The following USP9X variants were observed in gnomAD, a reference collection of about 807,000 sequenced individuals.
USP9X encodes the protein ubiquitin carboxyl-terminal hydrolase 9X.
Under a neutral mutation model 190.3 loss-of-function variants are expected in USP9X, and 7 were observed. The observed-to-expected ratio is 0.04, with a 90% CI of 0.02 to 0.07. The LOEUF is 0.07. Ranked by LOEUF, USP9X falls within the 10% of genes least tolerant of loss-of-function variation. The pLI, the probability that USP9X is intolerant of heterozygous loss-of-function variation, is 1.00. For missense variants in USP9X, 1,010 were observed against 1,916.9 expected (o/e 0.53, Z 8.83); for synonymous variants, 645 against 659.5 (o/e 0.98, Z 0.34).
intron 4 of USP9X, among the ~76,000 whole-genome samples, chrX:41,133,647 A>G (rs1406539588): frequency 8.9e-6 from 1 of 112,061 alleles, no homozygotes; most frequent in Non-Finnish European, 1.9e-5. Context: ...CGTGAGTTCA[A>G]TTGTTTGATT....
rs746510619 is a variant in USP9X at position 41,123,255 on chromosome X, A to G, written c.-158-216A>G. 1.3e-4 allele frequency among the ~76,000 whole-genome samples: 14 copies of G among 111,941 alleles called. No homozygotes were observed. The South Asian group carries it at 1.5e-3, about 12-fold the overall frequency. On this transcript the variant is annotated intron_variant, in intron 1 of 44. Coordinates refer to ENST00000378308, the MANE Select transcript of USP9X (RefSeq NM_001039591.3). ...CCTTTGGAGTCATTTCCAGGAGGCT[A>G]TATTTGTTTGTTTTCTTGGTATAAT...
At chrX:41,157,100 G>C (rs1037639119) in intron 14 of USP9X, among the ~76,000 whole-genome samples, 1 of 111,655 alleles carries the variant, frequency 9.0e-6, no homozygotes, top group Non-Finnish European at 1.9e-5. Flanking sequence ...GTCAGCAAAG[G>C]GTGAAAGCCT....
intron 31 of USP9X, 60 bp downstream of exon 31, chrX:41,201,340 C>T: frequency 9.5e-7 from 1 of 1,051,928 alleles, no homozygotes; most frequent in Non-Finnish European, 1.3e-6. Flanking sequence ...AGATACTATT[C>T]TCTCTTAAGA....
intron 3 of USP9X, 34 bp downstream of exon 3, chrX:41,129,179 A>T: frequency 8.4e-7 from 1 of 1,185,599 alleles, no homozygotes; most frequent in South Asian, 1.9e-5. Flanking sequence ...GAAAGAGAGC[A>T]GACAGGAAAG....
At chrX:41,200,878 G>T (rs1602027023) in intron 30 of USP9X, among the ~76,000 whole-genome samples, 182 bp from the exon 31 acceptor site, 1 of 112,270 alleles carries the variant, frequency 8.9e-6, no homozygotes, top group East Asian at 2.8e-4. Flanking sequence ...AGTGGTGCCT[G>T]TTGCTGTATA....
chrX:41,125,011 T>C (rs752177655), intron 2 of USP9X, among the ~76,000 whole-genome samples: 1 of 112,251 alleles, frequency 8.9e-6, no homozygotes, highest in African/African-American at 3.2e-5. Flanking sequence ...CATTAATTGT[T>C]TGGAAGATTT....
chrX:41,177,955 T>G (rs969817431), intron 21 of USP9X, among the ~76,000 whole-genome samples: 73 of 109,783 alleles, frequency 6.6e-4, no homozygotes, highest in Non-Finnish European at 2.5e-4. Context: ...TATTGTACTT[T>G]ATTATTTTCT....
At chrX:41,164,750 T>C (rs3788881) in intron 15 of USP9X, among the ~76,000 whole-genome samples, 10,449 of 111,851 alleles carry the variant, frequency 0.093, 451 homozygotes, top group East Asian at 0.17. Flanking sequence ...GTTTGAAATA[T>C]CACAGCCAGT....
rs777916760 is a variant in USP9X at position 41,223,370 on chromosome X, A to G, written c.6719A>G (p.Asn2240Ser). ...GTGTCACAGCTGATCCGCTGTTGCA[A>G]TGTCTCTTCAAGAATGCAGTCTTCA... is the stretch of plus-strand genomic sequence containing the variant. ...SVVSQLIRCC[N>S]VSSRMQSSIN... Residue 2240 changes from asparagine (N) to serine (S), a missense_variant, in exon 39 of 45, where the codon AAT becomes AGT. Asn to Ser is a conservative substitution (Grantham distance 46, BLOSUM62 1). Around this residue, in one of 11 missense-constraint regions of USP9X, gnomAD observed 121 missense variants for 281.2 expected, o/e 0.43. Transcript: ENST00000378308. The G allele has an allele frequency of 7.4e-6, 9 of 1,211,588 alleles. No individual in the cohort carries two copies. Among genetic ancestry groups the G allele is most frequent in the Non-Finnish European group, 1.0e-5 (9 of 895,357 alleles).
chrX:41,162,422 A>G (rs1432181306), intron 14 of USP9X, among the ~76,000 whole-genome samples: 1 of 111,990 alleles, frequency 8.9e-6, no homozygotes, highest in African/African-American at 3.2e-5. Flanking sequence ...AACACCTTTC[A>G]ATATAACAGG....
chrX:41,224,684 GTAT>G (rs1208160350), intron 39 of USP9X, 55 bp from the exon 40 acceptor site: 6 of 967,270 alleles, frequency 6.2e-6, no homozygotes, highest in East Asian at 3.1e-5. Context: ...TGAAAGTTGT[GTAT>G]TATTATTGTG....
At chrX:41,197,974 A>G (rs1241776956) in intron 29 of USP9X, among the ~76,000 whole-genome samples, 2 of 112,155 alleles carry the variant, frequency 1.8e-5, no homozygotes, top group Non-Finnish European at 3.8e-5. Context: ...AGATCGCACC[A>G]CTGCACTCCA....
chrX:41,127,049 AT>A (rs990628976), intron 2 of USP9X, among the ~76,000 whole-genome samples: 4 of 111,150 alleles, frequency 3.6e-5, no homozygotes, highest in African/African-American at 1.3e-4. Context: ...CTGGAATGAA[AT>A]TTGGCAGTAT....
Position 41,171,977 on chromosome X carries a change from T to C in USP9X, c.3148+19T>C. The stretch of plus-strand genomic sequence containing the variant: ...CCGCCAGGTAAGAATTTTTAAATGA[T>C]GATCAAGTACTTGCTGGACAATAAA... On this transcript the variant is annotated intron_variant, in intron 21 of 44. Coordinates refer to ENST00000378308, the MANE Select transcript of USP9X (RefSeq NM_001039591.3). 8.3e-7 allele frequency: 1 copy of C among 1,208,569 alleles called. No individual in the cohort carries two copies. Among genetic ancestry groups the C allele is most frequent in the Non-Finnish European group, 1.1e-6 (1 of 894,129 alleles).
chrX:41,148,687 C>T lies in USP9X; in HGVS notation c.1626+112C>T, dbSNP rs1978255. ...CATTGTTAGTTTTTAAATGATCTTC[C>T]GGAGTTGACTTTTTTTGTTCATTAG... On this transcript the variant is annotated intron_variant, in intron 12 of 44. Transcript: ENST00000378308. 148,938 of 763,886 alleles carry T rather than the reference C, an allele frequency of 0.19. 10,559 individuals are homozygous for T. The highest frequency in any genetic ancestry group is 0.29 in the Admixed American group (8,275 of 28,054). The allele number at this position is 763,886 out of a possible 1,213,427, so 63.0% of individuals were successfully genotyped here. A position where few individuals can be genotyped will look rare whatever the true frequency, so the allele number is the denominator to read the frequency against.
intron 26 of USP9X, among the ~76,000 whole-genome samples, chrX:41,192,496 T>G (rs1328370180): frequency 8.9e-6 from 1 of 112,182 alleles, no homozygotes; most frequent in African/African-American, 3.2e-5. Context: ...ATGTTACCTC[T>G]CTGATCCGAG....
At chrX:41,229,918 C>A in intron 43 of USP9X, 139 bp downstream of exon 43, 1 of 1,063,654 alleles carries the variant, frequency 9.4e-7, no homozygotes, top group South Asian at 2.4e-5. Context: ...AATGTTTATT[C>A]GGCTGGGCAT....
At chrX:41,232,321 C>G in intron 44 of USP9X, 66 bp from the exon 45 acceptor site, 1 of 1,120,239 alleles carries the variant, frequency 8.9e-7, no homozygotes, top group South Asian at 2.2e-5. Context: ...AGACTTCAGA[C>G]CATGATTTTG....
At chrX:41,186,932 T>G in intron 24 of USP9X, among the ~76,000 whole-genome samples, 1 of 109,728 alleles carries the variant, frequency 9.1e-6, no homozygotes, top group Admixed American at 9.7e-5. Flanking sequence ...GTTCAAGTGA[T>G]TATTCTGCCT....
Sources: allele counts gnomAD v4.1 joint callset (sites outside exome capture counted in the v4.1 genomes callset), GRCh38; gene constraint gnomAD v4.1.1; regional missense constraint gnomAD v4.1.1; transcripts MANE v1.5; gene names NCBI Gene and HGNC (gene_info 2026-07-23, HGNC 2026-07-21).